WDPCP: variants seen among roughly 807,000 people sequenced by gnomAD.
The protein encoded by WDPCP is WD repeat containing planar cell polarity effector, also known as WD repeat-containing and planar cell polarity effector protein fritz homolog.
WDPCP carries 71 observed loss-of-function variants against 93.1 expected under a neutral mutation model. That is an observed-to-expected ratio of 0.76 (90% CI 0.63 to 0.93). The LOEUF (loss-of-function observed/expected upper bound fraction) is 0.93. Ranked by LOEUF, WDPCP falls within the 40% of genes least tolerant of loss-of-function variation. The pLI is 0.00. For missense variants in WDPCP, 844 were observed against 887.4 expected (o/e 0.95, Z 0.62); for synonymous variants, 315 against 315.0 (o/e 1.00, Z 0.00).
intron 2 of WDPCP, among the ~76,000 whole-genome samples, chr2:63,742,727 T>C (rs1575762729): frequency 6.7e-6 from 1 of 149,742 alleles, no homozygotes; most frequent in African/African-American, 2.5e-5. Flanking sequence ...TTGTTTATTG[T>C]ATGTTCCACA....
intron 14 of WDPCP, among the ~76,000 whole-genome samples, chr2:63,180,199 C>G (rs1302430605): frequency 6.6e-6 from 1 of 151,932 alleles, no homozygotes; most frequent in Non-Finnish European, 1.5e-5. Flanking sequence ...ACCTCTATTA[C>G]TTTTTTTTGG....
chr2:63,593,145 G>C (rs989903026), upstream of WDPCP: 1 of 152,304 alleles, frequency 6.6e-6, no homozygotes, highest in African/African-American at 2.4e-5. Flanking sequence ...TTGTTGCCCA[G>C]GCTGGAATAC....
intron 13 of WDPCP, among the ~76,000 whole-genome samples, chr2:63,296,182 A>C (rs564489332): frequency 6.6e-6 from 1 of 150,910 alleles, no homozygotes; most frequent in Non-Finnish European, 1.5e-5. Flanking sequence ...AATTAAAAAC[A>C]AAAACCATAT....
intron 12 of WDPCP, among the ~76,000 whole-genome samples, chr2:63,370,046 T>C (rs1271097856): frequency 6.6e-6 from 1 of 152,198 alleles, no homozygotes; most frequent in Non-Finnish European, 1.5e-5. Flanking sequence ...AAGCAAGGTA[T>C]ACAAAATTTG....
chr2:63,815,458 A>T (rs1045330981), intron 1 of WDPCP, among the ~76,000 whole-genome samples: 1 of 152,248 alleles, frequency 6.6e-6, no homozygotes, highest in Non-Finnish European at 1.5e-5. Context: ...CTTATTTTTT[A>T]TTAACAGGTA....
intron 13 of WDPCP, among the ~76,000 whole-genome samples, chr2:63,285,532 T>A (rs1464453142): frequency 6.6e-6 from 1 of 151,540 alleles, no homozygotes; most frequent in African/African-American, 2.4e-5. Flanking sequence ...GGAGACCCAC[T>A]TTAAAGACAA....
intron 1 of WDPCP, among the ~76,000 whole-genome samples, chr2:63,512,851 C>T (rs765690085): frequency 6.6e-6 from 1 of 151,396 alleles, no homozygotes; most frequent in Non-Finnish European, 1.5e-5. Flanking sequence ...TGTAACAAAC[C>T]GCACGTTCTG....
Position 63,622,012 on chromosome 2 carries a change from T to C in WDPCP, n.488+28647A>G, listed in dbSNP as rs113333448. Among the ~76,000 whole-genome samples, 1,310 of 150,678 alleles carry C rather than the reference T, an allele frequency of 8.7e-3. 17 individuals are homozygous for C. The highest frequency in any genetic ancestry group is 0.029 in the African/African-American group (1,203 of 40,976). ...ATCTAGCATTAGGTATATCTCCCAA[T>C]GCTATCCCTCCCCCCTCCCCACTCC... is the stretch of plus-strand genomic sequence containing the variant. On this transcript the variant is annotated intron_variant and non_coding_transcript_variant, in intron 3 of 4. Transcript: ENST00000467687.
chr2:63,828,514 G>C (rs56748059), upstream of WDPCP, among the ~76,000 whole-genome samples: 25 of 152,192 alleles, frequency 1.6e-4, no homozygotes, highest in East Asian at 4.6e-3. Context: ...TTAGTACCTA[G>C]AACGGTGCCT....
intron 10 of WDPCP, among the ~76,000 whole-genome samples, chr2:63,382,508 C>T (rs560653125): frequency 6.6e-6 from 1 of 152,032 alleles, no homozygotes; most frequent in East Asian, 1.9e-4. Context: ...TGGTAGGTTA[C>T]AAAATCTTTT....
intron 15 of WDPCP, among the ~76,000 whole-genome samples, chr2:63,173,258 A>C (rs914159196): frequency 2.0e-4 from 29 of 142,258 alleles, no homozygotes; most frequent in South Asian, 4.7e-4. Context: ...ACTAGAGCGA[A>C]ACTCTGTCGC....
At chr2:63,633,991 G>A (rs1416040741) in intron 3 of WDPCP, among the ~76,000 whole-genome samples, 1 of 152,110 alleles carries the variant, frequency 6.6e-6, no homozygotes, top group Non-Finnish European at 1.5e-5. Context: ...GAACCTGGGA[G>A]GTGGAGGTTG....
intron 6 of WDPCP, 64 bp from the exon 7 acceptor site, chr2:63,439,935 A>T: frequency 1.6e-6 from 2 of 1,236,244 alleles, no homozygotes; most frequent in South Asian, 1.2e-5. Flanking sequence ...TCTTTAAAAA[A>T]CCTCTCTCCA....
intron 12 of WDPCP, among the ~76,000 whole-genome samples, chr2:63,350,491 ATAC>A (rs1216116613): frequency 1.4e-5 from 2 of 145,852 alleles, no homozygotes; most frequent in Non-Finnish European, 3.0e-5. Flanking sequence ...AAAAAAAAAA[ATAC>A]TGTGTGCTTC....
At chr2:63,159,150 T>C (rs1165391622) in intron 15 of WDPCP, among the ~76,000 whole-genome samples, 1 of 150,706 alleles carries the variant, frequency 6.6e-6, no homozygotes, top group African/African-American at 2.4e-5. Flanking sequence ...AATGAGACCC[T>C]ATCTCAAAAA....
Position 63,120,456 on chromosome 2 carries a change from G to T in WDPCP, c.*1550C>A, listed in dbSNP as rs1174322160. On this transcript the variant is annotated 3_prime_UTR_variant, in exon 18 of 18. Transcript: ENST00000272321. The stretch of plus-strand genomic sequence containing the variant: ...CAGTCTGATTAACTTTGAACTCTAA[G>T]ATTTAATTATATAATGTAATTATTG... Among the ~76,000 whole-genome samples, 1 of 150,750 alleles carries T rather than the reference G, an allele frequency of 6.6e-6. No homozygotes were observed. The highest frequency in any genetic ancestry group is 2.4e-5 in the African/African-American group (1 of 41,026).
chr2:63,332,563 G>C (rs189021118), intron 12 of WDPCP, among the ~76,000 whole-genome samples: 2 of 152,082 alleles, frequency 1.3e-5, no homozygotes, highest in East Asian at 3.9e-4. Context: ...CAAATCTTCT[G>C]TCCATTTTTT....
chr2:63,458,433 CAGTA>C (rs1343872322), intron 6 of WDPCP, among the ~76,000 whole-genome samples: 4 of 152,102 alleles, frequency 2.6e-5, no homozygotes, highest in African/African-American at 9.6e-5. Context: ...ATGTAAAAAT[CAGTA>C]TACAACAATA....
chr2:63,665,079 G>T (rs541562083), intron 2 of WDPCP, among the ~76,000 whole-genome samples: 8 of 152,322 alleles, frequency 5.3e-5, no homozygotes, highest in African/African-American at 1.9e-4. Context: ...TTAGGAGAGT[G>T]CTCTCTCTAT....
Sources: allele counts gnomAD v4.1 joint callset (sites outside exome capture counted in the v4.1 genomes callset), GRCh38; gene constraint gnomAD v4.1.1; transcripts MANE v1.5; gene names NCBI Gene and HGNC (gene_info 2026-07-23, HGNC 2026-07-21).